The following DPYSL2 variants were observed in gnomAD, a reference collection of about 807,000 sequenced individuals.
DPYSL2 encodes dihydropyrimidinase-related protein 2.
DPYSL2 carries 13 observed loss-of-function variants against 69.9 expected under a neutral mutation model. That is an observed-to-expected ratio of 0.19 (90% CI 0.12 to 0.30). DPYSL2 has a LOEUF of 0.30. DPYSL2 is among the 10% of genes least tolerant of loss of function. The probability of loss-of-function intolerance (pLI) is 1.00; values close to 1 mark genes in which losing one functional copy is unlikely to be tolerated. For missense variants in DPYSL2, 587 were observed against 918.9 expected (o/e 0.64, Z 4.67); for synonymous variants, 326 against 359.1 (o/e 0.91, Z 1.04).
At position 26,571,536 on chromosome 8, in the gene DPYSL2, G is replaced by A. The variant is rs777664462; in HGVS notation, c.355-10433G>A. ...AATGAGGTGCAGGGTGGGCATTGCA[G>A]GAGTTCTTCAGGAGGTGTGTGCGCT... On this transcript the variant is annotated intron_variant, in intron 1 of 13. Transcript: ENST00000521913. The surrounding 1 kb of genome is among the most constrained non-coding windows in gnomAD (Gnocchi z 6.1). 3.9e-5 allele frequency among the ~76,000 whole-genome samples: 6 copies of A among 152,158 alleles called. No individual in the cohort carries two copies. Among genetic ancestry groups the A allele is most frequent in the Non-Finnish European group, 5.9e-5 (4 of 68,028 alleles).
rs935191700 is a variant in DPYSL2, at chr8:26,655,931, T to C, written c.*225T>C. 16 of 409,492 alleles carry C rather than the reference T, an allele frequency of 3.9e-5. 1 individual carries two copies. In the Admixed American group the frequency reaches 5.8e-4, roughly 15 times the overall value. The allele number at this position is 409,492 out of a possible 1,614,324, so 25.4% of individuals were successfully genotyped here. A position where few individuals can be genotyped will look rare whatever the true frequency, so the allele number is the denominator to read the frequency against. ...CCACTTCCCTACACATCTATGGGTA[T>C]CACACCCAAGACTACCCACCAAGCT... is the stretch of plus-strand genomic sequence containing the variant. On this transcript the variant is annotated 3_prime_UTR_variant, in exon 14 of 14. Transcript: ENST00000521913.
rs1400020523 is a variant in DPYSL2, at chr8:26,609,839, T to C, written c.629-14304T>C. On this transcript the variant is annotated intron_variant, in intron 3 of 13. Transcript: ENST00000521913. This position sits in a 1 kb window ranked among gnomAD's most constrained non-coding sequence, Gnocchi z 6.5. ...TAATTTGTTCATCGCCTGGAATTTA[T>C]TTCTGGCAGACTTTGTGGTCAAAAC... Among the ~76,000 whole-genome samples the C allele has an allele frequency of 2.0e-5, 3 of 152,234 alleles. No homozygotes were observed. The highest frequency in any genetic ancestry group is 2.9e-5 in the Non-Finnish European group (2 of 68,038).
Position 26,653,482 on chromosome 8 carries a change from A to G in DPYSL2, c.1942+85A>G. Reference sequence around the variant, plus strand: ...GGCTACAGTTGCATTTGGAAAGGACACAGAAATAGAAGTGAATGATATTCC... The same window carrying G: ...GGCTACAGTTGCATTTGGAAAGGACGCAGAAATAGAAGTGAATGATATTCC... On this transcript the variant is annotated intron_variant, in intron 13 of 13. Coordinates refer to ENST00000521913, the MANE Select transcript of DPYSL2 (RefSeq NM_001197293.3). The surrounding 1 kb of genome is among the most constrained non-coding windows in gnomAD (Gnocchi z 5.7). The G allele has an allele frequency of 7.2e-7, 1 of 1,389,200 alleles. No individual in the cohort carries two copies. Among genetic ancestry groups the G allele is most frequent in the Non-Finnish European group, 9.9e-7 (1 of 1,012,346 alleles). The allele number at this position is 1,389,200 out of a possible 1,614,324, so 86.1% of individuals were successfully genotyped here.
intron 1 of DPYSL2, among the ~76,000 whole-genome samples, chr8:26,535,635 A>ATAT (rs1484035216): frequency 6.2e-5 from 9 of 145,922 alleles, no homozygotes; most frequent in African/African-American, 2.4e-4. Flanking sequence ...ATATATATAT[A>ATAT]TTTTTTTTTT....
Position 26,533,835 on chromosome 8 carries a change from C to T in DPYSL2, c.354+19156C>T, listed in dbSNP as rs532580723. Among the ~76,000 whole-genome samples the T allele has an allele frequency of 6.6e-5, 10 of 152,306 alleles. No homozygotes were observed. In the South Asian group the frequency reaches 1.9e-3, roughly 28 times the overall value. On this transcript the variant is annotated intron_variant, in intron 1 of 13. Transcript: ENST00000521913. This position sits in a 1 kb window ranked among gnomAD's most constrained non-coding sequence, Gnocchi z 4.8. Reference sequence around the variant, plus strand: ...GCTTGCAAGAAGTGACGTGCTGCTGCGGTGGCAGGGACTGATGGGGGAACC... The same window carrying T: ...GCTTGCAAGAAGTGACGTGCTGCTGTGGTGGCAGGGACTGATGGGGGAACC...
At chr8:26,611,339 C>A (rs1307230669) in intron 3 of DPYSL2, among the ~76,000 whole-genome samples, 1 of 152,180 alleles carries the variant, frequency 6.6e-6, no homozygotes, top group Non-Finnish European at 1.5e-5. Context: ...TTCAGCCCAG[C>A]TTTTCAGATG....
At chr8:26,601,661 G>A (rs1801995955) in intron 3 of DPYSL2, among the ~76,000 whole-genome samples, 1 of 152,260 alleles carries the variant, frequency 6.6e-6, no homozygotes, top group African/African-American at 2.4e-5. Flanking sequence ...ATAGGCGTGA[G>A]CCACAGCGCC....
At chr8:26,633,587 C>T (rs1802831379) in intron 7 of DPYSL2, among the ~76,000 whole-genome samples, 1 of 152,186 alleles carries the variant, frequency 6.6e-6, no homozygotes, top group African/African-American at 2.4e-5. Context: ...CCTGCCTCAG[C>T]CTCCTGAGTA....
chr8:26,606,879 G>C (rs888416427), intron 3 of DPYSL2, among the ~76,000 whole-genome samples: 1 of 152,188 alleles, frequency 6.6e-6, no homozygotes, highest in Non-Finnish European at 1.5e-5. Flanking sequence ...ATAAGTAGAA[G>C]TTGTAATACC....
In DPYSL2 at chr8:26,564,287, G is replaced by A. The variant is rs939017198; in HGVS notation, c.355-17682G>A. ...AGTTGAGGAAGTGGAGGCCAGGAGT[G>A]TACGCTACCCATTCCTGAAGCTTAA... is the stretch of plus-strand genomic sequence containing the variant. On this transcript the variant is annotated intron_variant, in intron 1 of 13. Coordinates refer to ENST00000521913, the MANE Select transcript of DPYSL2 (RefSeq NM_001197293.3). The surrounding 1 kb of genome is among the most constrained non-coding windows in gnomAD (Gnocchi z 4.8). Among the ~76,000 whole-genome samples, 1 of 152,160 alleles carries A rather than the reference G, an allele frequency of 6.6e-6. No individual in the cohort carries two copies. Among genetic ancestry groups the A allele is most frequent in the Non-Finnish European group, 1.5e-5 (1 of 68,038 alleles).
At position 26,648,535 on chromosome 8, in the gene DPYSL2, G is replaced by A. The variant is rs1219909862; in HGVS notation, c.1596+735G>A. Among the ~76,000 whole-genome samples, 2 of 152,252 alleles carry A rather than the reference G, an allele frequency of 1.3e-5. No homozygotes were observed. Among genetic ancestry groups the A allele is most frequent in the African/African-American group, 4.8e-5 (2 of 41,460 alleles). On this transcript the variant is annotated intron_variant, in intron 11 of 13. Coordinates refer to ENST00000521913, the MANE Select transcript of DPYSL2 (RefSeq NM_001197293.3). The surrounding 1 kb of genome is among the most constrained non-coding windows in gnomAD (Gnocchi z 4.3). ...CAGCAGACATTAAGCAGAGTTGTTA[G>A]ACACTGCCGATTCCTCACAAGCAAC...
Position 26,655,816 on chromosome 8 carries a change from T to C in DPYSL2, c.*110T>C, listed in dbSNP as rs958759092. 1 of 1,053,290 alleles carries C rather than the reference T, an allele frequency of 9.5e-7. No individual in the cohort carries two copies. Among genetic ancestry groups the C allele is most frequent in the Non-Finnish European group, 1.3e-6 (1 of 769,720 alleles). 65.2% of individuals were successfully genotyped at this position (1,053,290 alleles called of 1,614,324 possible). On this transcript the variant is annotated 3_prime_UTR_variant, in exon 14 of 14. Coordinates refer to ENST00000521913, the MANE Select transcript of DPYSL2 (RefSeq NM_001197293.3). ...TTTTTTGTTTTTTTTTTTAAGAGCC[T>C]GTGATAGTTACTGTGGAGCAGCCAG...
Position 26,626,655 on chromosome 8 carries a change from C to T in DPYSL2, c.832C>T (p.Arg278Cys), listed in dbSNP as rs781052884. 1.1e-5 allele frequency: 17 copies of T among 1,614,064 alleles called. No homozygotes were observed. The highest frequency in any genetic ancestry group is 1.6e-4 in the Middle Eastern group (1 of 6,084). ...CCTCGTGTACATGGCTTTCAAAGAT[C>T]GCTTCCAGCTAACGGATTGCCAGGT... ...SFLVYMAFKD[R>C]FQLTDCQIYE... The change falls in exon 5 of 14, where the codon CGC becomes TGC. Residue 278 changes from arginine (R) to cysteine (C), a missense_variant. Arg to Cys is a radical substitution (Grantham distance 180). Transcript: ENST00000521913. The surrounding 1 kb of genome is among the most constrained non-coding windows in gnomAD (Gnocchi z 4.3).
At position 26,514,477 on chromosome 8, in the gene DPYSL2, A is replaced by C; in HGVS notation, c.152A>C (p.Asp51Ala). Residue 51 changes from aspartate to alanine, a missense_variant, in exon 1 of 14, where the codon GAC becomes GCC. This residue lies in a region of DPYSL2 where 50 missense variants were observed against 86.8 expected (regional missense o/e 0.58). Transcript: ENST00000521913. This position sits in a 1 kb window ranked among gnomAD's most constrained non-coding sequence, Gnocchi z 8.4. ...VEGSSENKTI[D>A]FDSLSVGRGS... ...GGGTCCTCGGAGAACAAGACCATCG[A>C]CTTCGACTCGCTGTCGGTGGGCCGG... 1 of 1,528,148 alleles carries C rather than the reference A, an allele frequency of 6.5e-7. No homozygotes were observed. Among genetic ancestry groups the C allele is most frequent in the Non-Finnish European group, 8.7e-7 (1 of 1,144,082 alleles). 94.7% of individuals were successfully genotyped at this position (1,528,148 alleles called of 1,614,324 possible).
intron 2 of DPYSL2, 103 bp from the exon 3 acceptor site, chr8:26,583,696 G>A (rs1157051885): frequency 5.6e-6 from 6 of 1,076,338 alleles, no homozygotes; most frequent in Middle Eastern, 2.8e-4. Context: ...AAAGCCCACG[G>A]CACAGAGCGG....
At chr8:26,574,746 C>T (rs911910745) in intron 1 of DPYSL2, among the ~76,000 whole-genome samples, 15 of 151,964 alleles carry the variant, frequency 9.9e-5, no homozygotes, top group African/African-American at 3.6e-4. Flanking sequence ...GTATAAGAAA[C>T]ATTTATTTAT....
chr8:26,604,855 G>A (rs1052791469), intron 3 of DPYSL2, among the ~76,000 whole-genome samples: 2 of 151,914 alleles, frequency 1.3e-5, no homozygotes, highest in East Asian at 1.9e-4. Context: ...TAGTAGAGAC[G>A]GGGTTTCACC....
intron 1 of DPYSL2, among the ~76,000 whole-genome samples, chr8:26,537,772 C>T (rs1291359369): frequency 6.6e-6 from 1 of 152,152 alleles, no homozygotes; most frequent in Non-Finnish European, 1.5e-5. Flanking sequence ...TCAGAAAATT[C>T]ACATTGATAC....
At position 26,656,174 on chromosome 8, in the gene DPYSL2, CTT is replaced by C. The variant is rs35314544; in HGVS notation, c.*485_*486del. On this transcript the variant is annotated 3_prime_UTR_variant, in exon 14 of 14. Coordinates refer to ENST00000521913, the MANE Select transcript of DPYSL2 (RefSeq NM_001197293.3). The stretch of plus-strand genomic sequence containing the variant: ...GGGAGGGGCCGGGGTCAGGGAGAGT[CTT>C]TTTTTTTTTTTTTTTTAAATACTAA... 17,582 of 128,212 alleles carry C rather than the reference CTT, an allele frequency of 0.14. 1,186 individuals are homozygous for C. Among genetic ancestry groups the C allele is most frequent in the South Asian group, 0.18 (714 of 4,038 alleles). The allele number at this position is 128,212 out of a possible 1,614,324, so 7.9% of individuals were successfully genotyped here.
Sources: allele counts gnomAD v4.1 joint callset (sites outside exome capture counted in the v4.1 genomes callset), GRCh38; gene constraint gnomAD v4.1.1; regional missense constraint gnomAD v4.1.1; non-coding constraint Gnocchi (gnomAD v3.1); transcripts MANE v1.5; gene names NCBI Gene and HGNC (gene_info 2026-07-23, HGNC 2026-07-21).